SLC4A8: variants seen among roughly 807,000 people sequenced by gnomAD.
The protein encoded by SLC4A8 is electroneutral sodium bicarbonate exchanger 1.
Under a neutral mutation model 125.0 loss-of-function variants are expected in SLC4A8, and 40 were observed. That is an observed-to-expected ratio of 0.32 (90% CI 0.25 to 0.42). SLC4A8 has a LOEUF of 0.42. Ranked by LOEUF, SLC4A8 falls within the 10% of genes least tolerant of loss-of-function variation. The pLI, the probability that SLC4A8 is intolerant of heterozygous loss-of-function variation, is 1.00. For missense variants in SLC4A8, 863 were observed against 1,355.1 expected, an observed-to-expected ratio of 0.64 and a Z score of 5.70; for synonymous variants, 456 against 476.0, an observed-to-expected ratio of 0.96 and a Z score of 0.55.
rs1565803164 is a variant in SLC4A8, at chr12:51,471,538, T to C, written c.1904+6T>C. The C allele has an allele frequency of 1.2e-6, 2 of 1,610,558 alleles. No homozygotes were observed. Among genetic ancestry groups the C allele is most frequent in the East Asian group, 2.2e-5 (1 of 44,860 alleles). ...GACCACCTTAGCCTCTATTAGTAAG[T>C]GTGCTTTCTGCTTATTTTTAAAAAT... On this transcript the variant is annotated splice_donor_region_variant and intron_variant, in intron 14 of 24. Coordinates refer to ENST00000453097, the MANE Select transcript of SLC4A8 (RefSeq NM_001039960.3).
upstream of SLC4A8, among the ~76,000 whole-genome samples, chr12:51,423,082 A>G (rs1948827244): frequency 6.6e-6 from 1 of 152,214 alleles, no homozygotes; most frequent in Admixed American, 6.5e-5. Context: ...AAAAGCATTC[A>G]TATTTACTAA....
intron 16 of SLC4A8, among the ~76,000 whole-genome samples, chr12:51,482,845 C>T (rs762516263): frequency 3.9e-5 from 6 of 152,240 alleles, no homozygotes; most frequent in Non-Finnish European, 7.3e-5. Context: ...CAGAACACCT[C>T]CCAGAAAGCA....
chr12:51,496,098 C>A (rs983014657), intron 21 of SLC4A8, among the ~76,000 whole-genome samples: 1 of 152,084 alleles, frequency 6.6e-6, no homozygotes, highest in Non-Finnish European at 1.5e-5. Flanking sequence ...TGTCAGGCTA[C>A]ATATAAGGGT....
chr12:51,457,646 A>G (rs994520431), intron 6 of SLC4A8, 107 bp downstream of exon 6: 16 of 1,034,210 alleles, frequency 1.5e-5, no homozygotes, highest in Non-Finnish European at 1.8e-5. Flanking sequence ...ATATGTTTCC[A>G]TGTCCACTTA....
At chr12:51,404,103 G>T (rs1000288030) in intron 1 of SLC4A8, among the ~76,000 whole-genome samples, 1 of 152,156 alleles carries the variant, frequency 6.6e-6, no homozygotes, top group Non-Finnish European at 1.5e-5. Context: ...AGACTCTTCC[G>T]TGTGGCCACT....
chr12:51,474,917 A>C, intron 15 of SLC4A8, 128 bp from the exon 16 acceptor site: 1 of 830,674 alleles, frequency 1.2e-6, no homozygotes, highest in Non-Finnish European at 1.9e-6. Context: ...CATAAAGGTC[A>C]AGGGGATGCT....
chr12:51,435,149 G>A (rs1364679433), intron 1 of SLC4A8, among the ~76,000 whole-genome samples: 1 of 152,130 alleles, frequency 6.6e-6, no homozygotes, highest in Non-Finnish European at 1.5e-5. Flanking sequence ...CAATTTATTT[G>A]GTAAGATTAC....
At chr12:51,398,547 TTCTTATTTAATATC>T (rs1948310671) in intron 1 of SLC4A8, among the ~76,000 whole-genome samples, 1 of 152,188 alleles carries the variant, frequency 6.6e-6, no homozygotes, top group South Asian at 2.1e-4. Context: ...AAATTATGAT[TTCTTATTTAATATC>T]TCTCTTTAAA....
At chr12:51,443,560 G>A (rs1949669198) in intron 2 of SLC4A8, among the ~76,000 whole-genome samples, 1 of 151,958 alleles carries the variant, frequency 6.6e-6, no homozygotes. Context: ...TTAGTTAGAG[G>A]GATGGCTTTT....
Position 51,509,473 on chromosome 12 carries a change from C to G in SLC4A8, c.*2035C>G, listed in dbSNP as rs1938288457. ...TTTTCCCTTGTCCCTCTCTGGCTGC[C>G]TCCTTGAGCTTGCCACTTTTTCATC... On this transcript the variant is annotated 3_prime_UTR_variant, in exon 25 of 25. Transcript: ENST00000453097. The G allele has an allele frequency of 6.6e-6, 1 of 152,212 alleles. No homozygotes were observed. The highest frequency in any genetic ancestry group is 2.4e-5 in the African/African-American group (1 of 41,448). 9.4% of individuals were successfully genotyped at this position (152,212 alleles called of 1,614,324 possible).
chr12:51,414,047 C>G (rs1948640977), intron 1 of SLC4A8, among the ~76,000 whole-genome samples: 1 of 152,098 alleles, frequency 6.6e-6, no homozygotes, highest in Non-Finnish European at 1.5e-5. Flanking sequence ...TTCTTCCCAT[C>G]CATGAGCAGG....
chr12:51,407,232 G>A (rs1172737835), intron 1 of SLC4A8, among the ~76,000 whole-genome samples: 1 of 152,156 alleles, frequency 6.6e-6, no homozygotes, highest in African/African-American at 2.4e-5. Context: ...TTGCATTAGA[G>A]ATTAAATTTC....
chr12:51,484,515 T>C (rs986441506), intron 16 of SLC4A8, among the ~76,000 whole-genome samples: 1 of 152,124 alleles, frequency 6.6e-6, no homozygotes, highest in African/African-American at 2.4e-5. Flanking sequence ...GGGGAGGCAG[T>C]GGATACTCAG....
chr12:51,461,334 T>C, intron 9 of SLC4A8, 43 bp downstream of exon 9: 5 of 1,086,016 alleles, frequency 4.6e-6, no homozygotes, highest in African/African-American at 1.5e-5. Flanking sequence ...CATAAATATT[T>C]ATTGAATATT....
intron 22 of SLC4A8, among the ~76,000 whole-genome samples, chr12:51,503,569 T>C (rs1938031612): frequency 6.6e-6 from 1 of 152,270 alleles, no homozygotes; most frequent in South Asian, 2.1e-4. Context: ...TTATTGTTAA[T>C]AATTTGTTTA....
chr12:51,402,273 C>G (rs2137937508), intron 1 of SLC4A8, among the ~76,000 whole-genome samples: 1 of 152,248 alleles, frequency 6.6e-6, no homozygotes, highest in Middle Eastern at 3.4e-3. Flanking sequence ...GAAACCATTC[C>G]AGGTTTGCCA....
intron 1 of SLC4A8, 92 bp from the exon 2 acceptor site, chr12:51,440,616 G>T: frequency 2.2e-6 from 2 of 914,982 alleles, no homozygotes; most frequent in South Asian, 1.6e-5. Flanking sequence ...TGTTTCCCCC[G>T]TAAGTATCTC....
intron 1 of SLC4A8, among the ~76,000 whole-genome samples, chr12:51,397,977 G>A (rs1948296939): frequency 6.6e-6 from 1 of 152,038 alleles, no homozygotes; most frequent in African/African-American, 2.4e-5. Flanking sequence ...AGGCTGAGGT[G>A]AGACCCAGGA....
At chr12:51,444,981 G>T (rs539028927) in intron 2 of SLC4A8, among the ~76,000 whole-genome samples, 9 of 152,130 alleles carry the variant, frequency 5.9e-5, no homozygotes, top group Non-Finnish European at 1.0e-4. Context: ...AGAGGTTCTA[G>T]CCTGGCTAGT....
Sources: allele counts gnomAD v4.1 joint callset (sites outside exome capture counted in the v4.1 genomes callset), GRCh38; gene constraint gnomAD v4.1.1; transcripts MANE v1.5; gene names NCBI Gene and HGNC (gene_info 2026-07-23, HGNC 2026-07-21).